FRMD4A: variants seen among roughly 807,000 people sequenced by gnomAD.
FRMD4A encodes FERM domain-containing protein 4A.
In FRMD4A, 29 loss-of-function variants were observed where a neutral mutation model predicts 129.1. That is an observed-to-expected ratio of 0.22 (90% CI 0.17 to 0.31). The LOEUF (loss-of-function observed/expected upper bound fraction) is 0.31, where lower values mean the gene tolerates loss of function less well. FRMD4A is among the 10% of genes least tolerant of loss of function. The pLI is 1.00. For synonymous variants in FRMD4A, 634 were observed against 571.6 expected (o/e 1.11, Z -1.56); for missense variants, 1,272 against 1,375.8 (o/e 0.92, Z 1.19).
intron 3 of FRMD4A, among the ~76,000 whole-genome samples, chr10:13,848,015 G>C (rs746486090): frequency 3.3e-5 from 5 of 152,238 alleles, no homozygotes; most frequent in Non-Finnish European, 7.3e-5. Flanking sequence ...GTGTGCACAC[G>C]TGTGTGCCTT....
At chr10:13,858,475 AC>A (rs1194611177) in intron 3 of FRMD4A, among the ~76,000 whole-genome samples, 1 of 152,074 alleles carries the variant, frequency 6.6e-6, no homozygotes, top group Non-Finnish European at 1.5e-5. Flanking sequence ...AAAGAACCAA[AC>A]CTTTTTCTAT....
At chr10:14,281,308 A>G (rs1183241621) in intron 2 of FRMD4A, among the ~76,000 whole-genome samples, 1 of 152,198 alleles carries the variant, frequency 6.6e-6, no homozygotes, top group African/African-American at 2.4e-5. Context: ...TGCTTTAAGA[A>G]GAAGAAATTA....
chr10:14,228,526 G>T (rs1352978200), intron 2 of FRMD4A, among the ~76,000 whole-genome samples: 1 of 152,134 alleles, frequency 6.6e-6, no homozygotes, highest in Admixed American at 6.5e-5. Context: ...AAAGCAAAAA[G>T]TTATTGTCCA....
intron 2 of FRMD4A, among the ~76,000 whole-genome samples, chr10:14,116,832 G>T (rs41529144): frequency 0.012 from 1,768 of 152,278 alleles, 28 homozygotes; most frequent in African/African-American, 0.04. Flanking sequence ...GCCTAGCAAA[G>T]CTACACCATC....
intron 3 of FRMD4A, among the ~76,000 whole-genome samples, chr10:13,823,618 C>T (rs184990524): frequency 6.6e-6 from 1 of 152,234 alleles, no homozygotes; most frequent in East Asian, 1.9e-4. Context: ...GAAAGCCTGC[C>T]CTGCAGACTC....
chr10:13,906,435 C>A (rs1413226452), intron 2 of FRMD4A, among the ~76,000 whole-genome samples: 1 of 152,180 alleles, frequency 6.6e-6, no homozygotes, highest in Non-Finnish European at 1.5e-5. Flanking sequence ...ACCTTTTCTT[C>A]ATCTCAGATT....
intron 2 of FRMD4A, among the ~76,000 whole-genome samples, chr10:14,146,126 A>C (rs1840062627): frequency 6.6e-6 from 1 of 152,192 alleles, no homozygotes; most frequent in South Asian, 2.1e-4. Context: ...GAGGAGAGTA[A>C]AAGGACTCTT....
intron 2 of FRMD4A, among the ~76,000 whole-genome samples, chr10:14,316,933 C>T (rs1270897225): frequency 1.3e-5 from 2 of 152,168 alleles, no homozygotes; most frequent in Non-Finnish European, 2.9e-5. Flanking sequence ...CAATATGCAC[C>T]ATCCACTGGA....
At chr10:13,954,760 C>A (rs887777609) in intron 2 of FRMD4A, among the ~76,000 whole-genome samples, 1 of 152,200 alleles carries the variant, frequency 6.6e-6, no homozygotes, top group Admixed American at 6.5e-5. Flanking sequence ...GCAGCACCTG[C>A]AGTTCATCTC....
chr10:13,958,015 C>T (rs1487998298), intron 2 of FRMD4A, among the ~76,000 whole-genome samples: 1 of 152,128 alleles, frequency 6.6e-6, no homozygotes, highest in Non-Finnish European at 1.5e-5. Context: ...CTGCTCTCGG[C>T]ACAGCTTGCT....
At chr10:14,093,998 T>C (rs902932607) in intron 2 of FRMD4A, among the ~76,000 whole-genome samples, 1 of 152,184 alleles carries the variant, frequency 6.6e-6, no homozygotes, top group Non-Finnish European at 1.5e-5. Flanking sequence ...TGTCAAATGA[T>C]AATGGAGCAG....
At chr10:13,822,908 T>C (rs767800862) in intron 3 of FRMD4A, among the ~76,000 whole-genome samples, 14 of 152,172 alleles carry the variant, frequency 9.2e-5, no homozygotes, top group Admixed American at 2.0e-4. Flanking sequence ...TCCTTCCAAG[T>C]GACTCTGCCA....
intron 2 of FRMD4A, among the ~76,000 whole-genome samples, chr10:14,168,234 G>A (rs1304805101): frequency 2.0e-5 from 3 of 152,172 alleles, no homozygotes; most frequent in Non-Finnish European, 2.9e-5. Context: ...TTCTGGGGTG[G>A]AAGTGGTTAA....
chr10:13,876,753 T>C (rs10508468), intron 2 of FRMD4A, among the ~76,000 whole-genome samples: 44,221 of 151,838 alleles, frequency 0.29, 7,056 homozygotes, highest in Non-Finnish European at 0.37. Flanking sequence ...ATACGTGTGA[T>C]TAAAATAGAA....
chr10:14,026,247 T>C (rs1428840070), intron 2 of FRMD4A, among the ~76,000 whole-genome samples: 1 of 152,188 alleles, frequency 6.6e-6, no homozygotes, highest in Non-Finnish European at 1.5e-5. Flanking sequence ...AAACTCTCCA[T>C]TTTAGTATCT....
intron 17 of FRMD4A, among the ~76,000 whole-genome samples, chr10:13,669,890 GC>G (rs2083376354): frequency 6.6e-6 from 1 of 152,232 alleles, no homozygotes; most frequent in South Asian, 2.1e-4. Flanking sequence ...CAAGGCCAGG[GC>G]CGCCCAAGCA....
chr10:14,200,676 T>C (rs1332393605), intron 2 of FRMD4A, among the ~76,000 whole-genome samples: 2 of 152,226 alleles, frequency 1.3e-5, no homozygotes, highest in Non-Finnish European at 2.9e-5. Flanking sequence ...CTCCTCAGCC[T>C]CCTCAGCCTT....
chr10:14,192,374 T>A (rs985687979), intron 2 of FRMD4A, among the ~76,000 whole-genome samples: 1 of 152,220 alleles, frequency 6.6e-6, no homozygotes, highest in Non-Finnish European at 1.5e-5. Context: ...GAGTAACAGC[T>A]CTTATAACCT....
intron 2 of FRMD4A, among the ~76,000 whole-genome samples, chr10:14,259,840 T>C (rs1755126): frequency 6.6e-6 from 1 of 152,060 alleles, no homozygotes; most frequent in Middle Eastern, 3.4e-3. Flanking sequence ...ATGGACACCA[T>C]GACAACCACA....
Sources: allele counts gnomAD v4.1 joint callset (sites outside exome capture counted in the v4.1 genomes callset), GRCh38; gene constraint gnomAD v4.1.1; transcripts MANE v1.5; gene names NCBI Gene and HGNC (gene_info 2026-07-23, HGNC 2026-07-21).